DCAF8L2: variants seen among roughly 807,000 people sequenced by gnomAD.
DCAF8L2 encodes the protein DDB1 and CUL4 associated factor 8 like 2.
For synonymous variants in DCAF8L2, 200 were observed against 190.9 expected, an observed-to-expected ratio of 1.05 and a Z score of -0.39; for missense variants, 430 against 490.7, an observed-to-expected ratio of 0.88 and a Z score of 1.17.
At chrX:27,632,677 G>T (rs1928339295) in intron 2 of DCAF8L2, 1 of 110,906 alleles carries the variant, frequency 9.0e-6, no homozygotes, top group Non-Finnish European at 1.9e-5. Flanking sequence ...TTGTGTCTTT[G>T]CTCAAGTCCC....
chrX:27,690,160 T>C (rs959597331), intron 3 of DCAF8L2, among the ~76,000 whole-genome samples: 1 of 111,606 alleles, frequency 9.0e-6, no homozygotes, highest in African/African-American at 3.3e-5. Context: ...TGACTTTCTG[T>C]GGTGTAAATT....
intron 2 of DCAF8L2, among the ~76,000 whole-genome samples, chrX:27,657,477 T>G (rs1929396789): frequency 9.0e-6 from 1 of 111,587 alleles, no homozygotes; most frequent in Non-Finnish European, 1.9e-5. Flanking sequence ...GATTGACACC[T>G]AAAGAGATTT....
chrX:27,545,155 T>C, the DCAF8L2 span, among the ~76,000 whole-genome samples: 1 of 111,470 alleles, frequency 9.0e-6, no homozygotes, highest in Admixed American at 9.6e-5. Context: ...GTGCATGAAC[T>C]AAAACACAGA....
At chrX:27,693,057 C>T (rs1187112541) in intron 3 of DCAF8L2, among the ~76,000 whole-genome samples, 3 of 111,686 alleles carry the variant, frequency 2.7e-5, no homozygotes, top group East Asian at 2.8e-4. Context: ...CTGATTAATT[C>T]GCGTGTGAAT....
intron 2 of DCAF8L2, among the ~76,000 whole-genome samples, chrX:27,676,206 T>G (rs752263961): frequency 9.0e-6 from 1 of 111,367 alleles, no homozygotes; most frequent in Admixed American, 9.6e-5. Context: ...TAGTAACTTA[T>G]GCTTACTCAC....
chrX:27,641,164 T>TA (rs1355411543), intron 2 of DCAF8L2, among the ~76,000 whole-genome samples: 1 of 111,980 alleles, frequency 8.9e-6, no homozygotes, highest in Non-Finnish European at 1.9e-5. Flanking sequence ...CTCACATACT[T>TA]ACCATTTCTG....
the DCAF8L2 span, among the ~76,000 whole-genome samples, chrX:27,470,916 G>A: frequency 1.8e-5 from 2 of 111,492 alleles, no homozygotes; most frequent in Non-Finnish European, 3.8e-5. Flanking sequence ...CTGTATTTGT[G>A]GGCTTGTTGT....
rs760483934 is a variant in DCAF8L2 at position 27,748,512 on chromosome X, C to T, written c.1617C>T (p.Ile539=). ...ACSGLDHDVK[I]WTPTAKAATE... is the part of the protein sequence containing the mutation. ...GTGGCCTAGATCATGATGTCAAGAT[C>T]TGGACACCCACAGCTAAAGCTGCCA... Residue 539 remains isoleucine, a synonymous_variant, in exon 5 of 5, where the codon ATC becomes ATT. Coordinates refer to ENST00000451261, the MANE Select transcript of DCAF8L2 (RefSeq NM_001353450.2). The T allele has an allele frequency of 3.3e-6, 4 of 1,209,483 alleles. No individual in the cohort carries two copies. Among genetic ancestry groups the T allele is most frequent in the Non-Finnish European group, 3.4e-6 (3 of 894,889 alleles).
At chrX:27,729,211 G>A (rs1442644939) in intron 4 of DCAF8L2, among the ~76,000 whole-genome samples, 1 of 111,770 alleles carries the variant, frequency 8.9e-6, no homozygotes, top group Non-Finnish European at 1.9e-5. Context: ...TCTTTAGGAT[G>A]TGGGCATGAA....
chrX:27,542,666 C>G, the DCAF8L2 span, among the ~76,000 whole-genome samples: 2 of 102,983 alleles, frequency 1.9e-5, no homozygotes, highest in Non-Finnish European at 4.0e-5. Flanking sequence ...CCTCAGCCTC[C>G]CAAGTAGCTG....
At chrX:27,473,510 T>G in the DCAF8L2 span, among the ~76,000 whole-genome samples, 2 of 110,593 alleles carry the variant, frequency 1.8e-5, no homozygotes. Flanking sequence ...GGTCAGAAAA[T>G]GAGAGCTCAC....
the DCAF8L2 span, among the ~76,000 whole-genome samples, chrX:27,565,586 C>T: frequency 1.7e-4 from 19 of 111,490 alleles, no homozygotes; most frequent in Non-Finnish European, 3.0e-4. Flanking sequence ...GAATTATTCT[C>T]ATTTTTCTGT....
At chrX:27,716,906 G>A (rs1931719463) in intron 4 of DCAF8L2, among the ~76,000 whole-genome samples, 1 of 111,058 alleles carries the variant, frequency 9.0e-6, no homozygotes, top group Non-Finnish European at 1.9e-5. Context: ...CCGACAGGCT[G>A]CAGTGTGTGT....
chrX:27,667,188 T>C (rs1470797839), intron 2 of DCAF8L2, among the ~76,000 whole-genome samples: 4 of 111,402 alleles, frequency 3.6e-5, no homozygotes, highest in African/African-American at 1.3e-4. Flanking sequence ...TAAAAAATGT[T>C]GCAGGTTTCA....
rs1922478967 is a variant in DCAF8L2 at position 27,749,897 on chromosome X, C to G, written c.*1106C>G. ...ATTTAATATAAATTAAATAAGGGTA[C>G]TGGATGTCCAATTACTGCTCAATAA... On this transcript the variant is annotated 3_prime_UTR_variant, in exon 5 of 5. Transcript: ENST00000451261. 1.8e-5 allele frequency among the ~76,000 whole-genome samples: 2 copies of G among 111,799 alleles called. No homozygotes were observed. The highest frequency in any genetic ancestry group is 6.5e-5 in the African/African-American group (2 of 30,770).
intron 2 of DCAF8L2, among the ~76,000 whole-genome samples, chrX:27,666,359 A>G (rs1929742327): frequency 8.9e-6 from 1 of 111,985 alleles, no homozygotes; most frequent in Admixed American, 9.6e-5. Flanking sequence ...GGCCAATATT[A>G]TATTTGAATA....
chrX:27,510,397 A>T, the DCAF8L2 span, among the ~76,000 whole-genome samples: 1 of 57,165 alleles, frequency 1.7e-5, no homozygotes, highest in Non-Finnish European at 3.9e-5. Flanking sequence ...TCAAAACTAC[A>T]ATACATAGAA....
rs1457179694 is a variant in DCAF8L2 at position 27,746,895 on chromosome X, G to C, written c.-1G>C. The C allele has an allele frequency of 8.4e-7, 1 of 1,189,865 alleles. No homozygotes were observed. Among genetic ancestry groups the C allele is most frequent in the Non-Finnish European group, 1.1e-6 (1 of 886,585 alleles). On this transcript the variant is annotated 5_prime_UTR_variant, in exon 5 of 5. Coordinates refer to ENST00000451261, the MANE Select transcript of DCAF8L2 (RefSeq NM_001353450.2). ...ATCTACTACAGCAAACATCGTTCAA[G>C]ATGTCCCACCAAGAAGGCAGCACAG...
chrX:27,611,393 T>C lies in DCAF8L2; in HGVS notation c.-341-20486T>C, dbSNP rs747871844. On this transcript the variant is annotated intron_variant, in intron 1 of 4. Transcript: ENST00000451261. ...TATATATATATATATGCCGTCATAG[T>C]GAACAGGCAACCTACAGAACGGGAG... is the stretch of plus-strand genomic sequence containing the variant. Among the ~76,000 whole-genome samples the C allele has an allele frequency of 3.8e-4, 41 of 109,048 alleles. 1 individual carries two copies. The East Asian group carries it at 0.011, about 30-fold the overall frequency. The allele number at this position is 109,048 out of a possible 115,157, so 94.7% of individuals were successfully genotyped here. A position where few individuals can be genotyped will look rare whatever the true frequency, so the allele number is the denominator to read the frequency against.
Sources: gnomAD v4.1 joint callset for allele counts (sites outside exome capture counted in the v4.1 genomes callset) on GRCh38, gnomAD v4.1.1 for gene constraint, MANE v1.5 for transcripts, NCBI Gene and HGNC (gene_info 2026-07-23, HGNC 2026-07-21) for gene names.